The following PTPN22 variants were observed in gnomAD, a reference collection of about 807,000 sequenced individuals.
The protein encoded by PTPN22 is tyrosine-protein phosphatase non-receptor type 22.
A neutral mutation model predicts 103.3 loss-of-function variants in PTPN22; 85 were observed. The ratio of observed to expected loss-of-function variants is 0.82; its 90% CI spans 0.69 to 0.99. The LOEUF (loss-of-function observed/expected upper bound fraction) is 0.99. PTPN22 is among the 50% of genes least tolerant of loss of function. PTPN22 has a pLI of 0.00. For missense variants in PTPN22, 865 were observed against 936.9 expected, an observed-to-expected ratio of 0.92 and a Z score of 1.00; for synonymous variants, 323 against 310.2, an observed-to-expected ratio of 1.04 and a Z score of -0.43.
At chr1:113,822,370 ATC>A (rs1247911555) in intron 19 of PTPN22, among the ~76,000 whole-genome samples, 1 of 152,198 alleles carries the variant, frequency 6.6e-6, no homozygotes, top group Non-Finnish European at 1.5e-5. Flanking sequence ...AGCATGTAAC[ATC>A]TCTGCCTAAA....
intron 11 of PTPN22, among the ~76,000 whole-genome samples, chr1:113,839,602 A>G (rs1473725589): frequency 6.6e-6 from 1 of 152,170 alleles, no homozygotes; most frequent in African/African-American, 2.4e-5. Context: ...TATAAAATAT[A>G]TCTTCATTTC....
chr1:113,861,857 G>A (rs1665638308), intron 1 of PTPN22, among the ~76,000 whole-genome samples: 1 of 152,170 alleles, frequency 6.6e-6, no homozygotes, highest in East Asian at 1.9e-4. Context: ...ATGGGGATGG[G>A]TTTAAGTTTG....
At chr1:113,858,597 G>A (rs201014967) in intron 3 of PTPN22, 24 bp from the exon 4 acceptor site, 182 of 1,424,450 alleles carry the variant, frequency 1.3e-4, no homozygotes, top group Admixed American at 1.9e-4. Flanking sequence ...GAAATTACAC[G>A]GGGTGACTAC....
intron 18 of PTPN22, among the ~76,000 whole-genome samples, chr1:113,826,472 T>C (rs1196984299): frequency 4.8e-5 from 7 of 146,792 alleles, no homozygotes; most frequent in Non-Finnish European, 9.0e-5. Context: ...GGGATGAAAT[T>C]CCCACTTCCC....
chr1:113,817,734 T>C (rs1318026253), intron 20 of PTPN22, among the ~76,000 whole-genome samples: 1 of 149,672 alleles, frequency 6.7e-6, no homozygotes, highest in Non-Finnish European at 1.5e-5. Flanking sequence ...GGCATGAAAA[T>C]GCTGCTTTTT....
chr1:113,861,251 T>C (rs1414338875), intron 1 of PTPN22, among the ~76,000 whole-genome samples: 1 of 152,204 alleles, frequency 6.6e-6, no homozygotes, highest in African/African-American at 2.4e-5. Context: ...GTTTTTGTTT[T>C]TGTTTTTGAG....
intron 11 of PTPN22, among the ~76,000 whole-genome samples, chr1:113,840,538 G>A (rs1335263918): frequency 6.6e-6 from 1 of 152,100 alleles, no homozygotes; most frequent in African/African-American, 2.4e-5. Flanking sequence ...AATTAAATAA[G>A]ATATAAATAA....
chr1:113,856,811 C>T (rs11582409), intron 5 of PTPN22, 192 bp from the exon 6 acceptor site: 109,317 of 649,238 alleles, frequency 0.17, 9,925 homozygotes, highest in East Asian at 0.21. Flanking sequence ...ATATAAATTA[C>T]AGACTTCCTG....
At chr1:113,867,556 A>G (rs1424207360) in intron 1 of PTPN22, among the ~76,000 whole-genome samples, 1 of 152,256 alleles carries the variant, frequency 6.6e-6, no homozygotes, top group Non-Finnish European at 1.5e-5. Flanking sequence ...AATATTTAAT[A>G]TAGCAATTAG....
chr1:113,871,446 C>T, intron 1 of PTPN22, 91 bp downstream of exon 1: 2 of 1,047,592 alleles, frequency 1.9e-6, no homozygotes, highest in Non-Finnish European at 2.9e-6. Flanking sequence ...TTACTTTATC[C>T]CAAGAGCAAT....
At chr1:113,827,462 A>G (rs973589915) in intron 18 of PTPN22, among the ~76,000 whole-genome samples, 2 of 152,056 alleles carry the variant, frequency 1.3e-5, no homozygotes, top group East Asian at 3.8e-4. Flanking sequence ...AGTAAAAGTT[A>G]ATAAATTATA....
chr1:113,863,431 T>C (rs1665796273), intron 1 of PTPN22, among the ~76,000 whole-genome samples: 1 of 152,140 alleles, frequency 6.6e-6, no homozygotes, highest in Admixed American at 6.6e-5. Flanking sequence ...TAAATGAAAA[T>C]GTAGGACTAG....
intron 1 of PTPN22, among the ~76,000 whole-genome samples, chr1:113,861,497 C>T (rs1665591551): frequency 6.6e-6 from 1 of 152,256 alleles, no homozygotes; most frequent in Middle Eastern, 3.4e-3. Context: ...GCCTTGGCCT[C>T]CCGAAGTGGT....
Position 113,852,106 on chromosome 1 carries a change from T to C in PTPN22, c.751-2A>G. ...AACACTGAAGTTCTCAGGAATTATC[T>C]ATCAAATTAAAGGGGAAAATATTCC... is the stretch of plus-strand genomic sequence containing the variant. On this transcript the variant is annotated splice_acceptor_variant, in intron 9 of 20. Transcript: ENST00000359785. LOFTEE classifies it high-confidence loss of function. 6.3e-7 allele frequency: 1 copy of C among 1,598,890 alleles called. No homozygotes were observed. Among genetic ancestry groups the C allele is most frequent in the Non-Finnish European group, 8.6e-7 (1 of 1,167,008 alleles).
At position 113,834,894 on chromosome 1, in the gene PTPN22, A is replaced by G. The variant is rs374846647; in HGVS notation, c.1894+16T>C. On this transcript the variant is annotated intron_variant, in intron 14 of 20. Transcript: ENST00000359785. Reference sequence around the variant, plus strand: ...CCATCCCACACTTTATTTTATACTTACTGAACTGTACTCACCAGCTTCCTC... The same window carrying G: ...CCATCCCACACTTTATTTTATACTTGCTGAACTGTACTCACCAGCTTCCTC... The G allele has an allele frequency of 2.0e-6, 3 of 1,518,560 alleles. No individual in the cohort carries two copies. The highest frequency in any genetic ancestry group is 1.7e-4 in the Middle Eastern group (1 of 5,862). The allele number at this position is 1,518,560 out of a possible 1,614,324, so 94.1% of individuals were successfully genotyped here. A position where few individuals can be genotyped will look rare whatever the true frequency, so the allele number is the denominator to read the frequency against.
At chr1:113,856,716 TTAGGTTAGG>T (rs1302469698) in intron 5 of PTPN22, 97 bp from the exon 6 acceptor site, 1 of 1,540,196 alleles carries the variant, frequency 6.5e-7, no homozygotes, top group Non-Finnish European at 8.9e-7. Context: ...GTCCTTCACC[TTAGGTTAGG>T]TGCGTCTAAC....
At chr1:113,840,459 C>A (rs114088384) in intron 11 of PTPN22, among the ~76,000 whole-genome samples, 1,538 of 152,170 alleles carry the variant, frequency 0.01, 32 homozygotes, top group African/African-American at 0.035. Context: ...GAATAAAATA[C>A]TTAGGAATAG....
intron 18 of PTPN22, among the ~76,000 whole-genome samples, chr1:113,826,362 AAGAG>A (rs753221867): frequency 1.4e-4 from 21 of 147,384 alleles, no homozygotes; most frequent in Non-Finnish European, 2.7e-4. Context: ...AAGAAAGAGA[AAGAG>A]AGAGACAGAG....
At chr1:113,837,802 T>C (rs769093308) in exon 13 of PTPN22, 3 of 1,613,848 alleles carry the variant, frequency 1.9e-6, no homozygotes, top group Admixed American at 1.7e-5. Context: ...ATAAGGATTT[T>C]CCACTAAAGG....
Sources: gnomAD v4.1 joint callset for allele counts (sites outside exome capture counted in the v4.1 genomes callset) on GRCh38, gnomAD v4.1.1 for gene constraint, MANE v1.5 for transcripts, NCBI Gene and HGNC (gene_info 2026-07-23, HGNC 2026-07-21) for gene names.